The following SYNGR4 variants were observed in gnomAD, a reference collection of about 807,000 sequenced individuals.
SYNGR4 encodes synaptogyrin-4.
A neutral mutation model predicts 15.5 loss-of-function variants in SYNGR4; 15 were observed. That is an observed-to-expected ratio of 0.97 (90% CI 0.65 to 1.49). The LOEUF is 1.49. Among genes scored for constraint, SYNGR4 ranks in the 40% most tolerant of loss-of-function variants. The probability of loss-of-function intolerance (pLI) is 0.00; values close to 1 mark genes in which losing one functional copy is unlikely to be tolerated. For missense variants in SYNGR4, 292 were observed against 299.3 expected (o/e 0.98, Z 0.18); for synonymous variants, 121 against 127.4 (o/e 0.95, Z 0.34).
intron 2 of SYNGR4, among the ~76,000 whole-genome samples, chr19:48,368,779 G>A (rs184648363): frequency 1.0e-3 from 155 of 152,298 alleles, no homozygotes; most frequent in African/African-American, 3.7e-3. Flanking sequence ...AGGGAAAGAG[G>A]GGAATCTTGA....
At position 48,366,019 on chromosome 19, in the gene SYNGR4, G is replaced by T. The variant is rs1970215223; in HGVS notation, c.93+84G>T. 1.4e-6 allele frequency: 2 copies of T among 1,435,494 alleles called. No homozygotes were observed. The highest frequency in any genetic ancestry group is 4.6e-5 in the East Asian group (2 of 43,436). The allele number at this position is 1,435,494 out of a possible 1,614,324, so 88.9% of individuals were successfully genotyped here. On this transcript the variant is annotated intron_variant, in intron 2 of 4. Transcript: ENST00000344846. ...CTCCCAGACACAGTGCGGGAGATGGGAGGACAAGGAAGGGGTCAGACGGGG... is the reference window on the plus strand; with the variant it reads ...CTCCCAGACACAGTGCGGGAGATGGTAGGACAAGGAAGGGGTCAGACGGGG...
chr19:48,372,583 G>A (rs1043196285), intron 2 of SYNGR4, among the ~76,000 whole-genome samples: 8 of 151,892 alleles, frequency 5.3e-5, no homozygotes, highest in Non-Finnish European at 1.0e-4. Context: ...CCCGGGGGCC[G>A]GAGCCTGCAG....
In SYNGR4 at chr19:48,367,337, G is replaced by A. The variant is rs190673968; in HGVS notation, c.93+1402G>A. The stretch of plus-strand genomic sequence containing the variant: ...GGTCCCAGCTACTCTGGAGGCTGAG[G>A]CAGGAGAATGGCGTGAACCCGGGAG... On this transcript the variant is annotated intron_variant, in intron 2 of 4. Transcript: ENST00000344846. Among the ~76,000 whole-genome samples, 329 of 152,024 alleles carry A rather than the reference G, an allele frequency of 2.2e-3. 1 individual carries two copies. The highest frequency in any genetic ancestry group is 7.3e-3 in the African/African-American group (302 of 41,454).
intron 2 of SYNGR4, among the ~76,000 whole-genome samples, chr19:48,370,967 C>T (rs1970295871): frequency 6.6e-6 from 1 of 152,228 alleles, no homozygotes; most frequent in Non-Finnish European, 1.5e-5. Context: ...GAGGGCTTCT[C>T]TAACCCCAAG....
At chr19:48,371,312 C>G (rs1970300708) in intron 2 of SYNGR4, among the ~76,000 whole-genome samples, 1 of 152,194 alleles carries the variant, frequency 6.6e-6, no homozygotes. Flanking sequence ...TCCACCTTGA[C>G]TCTCTCCCCC....
In SYNGR4 at chr19:48,375,654, G is replaced by A. The variant is rs138867199; in HGVS notation, c.373G>A (p.Ala125Thr). ...VVWFMGFCFL[A>T]NQWQHSPPKE... Reference sequence around the variant, plus strand: ...CTGGTTCATGGGTTTCTGCTTCCTGGCCAACCAATGGCAGCATTCGCCGCC... The same window carrying A: ...CTGGTTCATGGGTTTCTGCTTCCTGACCAACCAATGGCAGCATTCGCCGCC... Residue 125 changes from alanine (A) to threonine (T), a missense_variant, in exon 4 of 5, where the codon GCC becomes ACC. Coordinates refer to ENST00000344846, the MANE Select transcript of SYNGR4 (RefSeq NM_012451.4). 3 of 1,613,792 alleles carry A rather than the reference G, an allele frequency of 1.9e-6. No individual in the cohort carries two copies. Among genetic ancestry groups the A allele is most frequent in the African/African-American group, 2.7e-5 (2 of 74,854 alleles).
intron 3 of SYNGR4, among the ~76,000 whole-genome samples, chr19:48,375,342 T>C (rs1378358857): frequency 6.6e-6 from 1 of 152,046 alleles, no homozygotes; most frequent in East Asian, 1.9e-4. Context: ...CCTGTGTTAA[T>C]GAATAGAAAT....
chr19:48,367,797 A>G (rs2147402619), intron 2 of SYNGR4, among the ~76,000 whole-genome samples: 1 of 152,298 alleles, frequency 6.6e-6, no homozygotes, highest in Middle Eastern at 3.4e-3. Flanking sequence ...TCTTGAACCA[A>G]TCACTGTTCA....
chr19:48,372,595 G>A (rs904276388), intron 2 of SYNGR4, among the ~76,000 whole-genome samples: 42 of 151,912 alleles, frequency 2.8e-4, no homozygotes, highest in African/African-American at 1.0e-3. Flanking sequence ...AGCCTGCAGT[G>A]AGCCGAGATG....
rs187730734 is a variant in SYNGR4 at position 48,367,687 on chromosome 19, G to T, written c.93+1752G>T. Among the ~76,000 whole-genome samples, 76 of 152,246 alleles carry T rather than the reference G, an allele frequency of 5.0e-4. 3 individuals carry two copies. The East Asian group carries it at 0.01, about 20-fold the overall frequency. ...GCCAGATGTTGGGTGGTAACCGTGT[G>T]CCAGGCACCATGCCACCGTTCATTT... On this transcript the variant is annotated intron_variant, in intron 2 of 4. Transcript: ENST00000344846.
rs1255917326 is a variant in SYNGR4 at position 48,365,925 on chromosome 19, T to G, written c.83T>G (p.Val28Gly). The G allele has an allele frequency of 2.5e-6, 4 of 1,613,406 alleles. No homozygotes were observed. Among genetic ancestry groups the G allele is most frequent in the Middle Eastern group, 3.3e-4 (2 of 6,062 alleles). Residue 28 changes from valine (V) to glycine (G), a missense_variant, in exon 2 of 5, where the codon GTC becomes GGC. Val to Gly is a moderately radical substitution (Grantham distance 109). Coordinates refer to ENST00000344846, the MANE Select transcript of SYNGR4 (RefSeq NM_012451.4). ...FLRRPKTITRVFEGVFSLIVF... is the reference protein window; with the variant it reads ...FLRRPKTITRGFEGVFSLIVF... ...AGAAGGCCCAAGACCATCACGCGGG[T>G]CTTCGAAGGGGTGAGGCCCTCCCAT... is the stretch of plus-strand genomic sequence containing the variant.
Position 48,373,507 on chromosome 19 carries a change from A to C in SYNGR4, c.94-10A>C. 2 of 1,611,450 alleles carry C rather than the reference A, an allele frequency of 1.2e-6. No individual in the cohort carries two copies. Among genetic ancestry groups the C allele is most frequent in the South Asian group, 1.1e-5 (1 of 91,066 alleles). On this transcript the variant is annotated splice_polypyrimidine_tract_variant and intron_variant, in intron 2 of 4. Coordinates refer to ENST00000344846, the MANE Select transcript of SYNGR4 (RefSeq NM_012451.4). ...GACTGAGCTCTTCTCTGGCCCCTGG[A>C]AATCCACAGGTCTTCTCCCTGATCG...
rs748477975 is a variant in SYNGR4 at position 48,365,825 on chromosome 19, C to T, written c.-18C>T. 2 of 1,613,170 alleles carry T rather than the reference C, an allele frequency of 1.2e-6. No homozygotes were observed. Among genetic ancestry groups the T allele is most frequent in the Non-Finnish European group, 8.5e-7 (1 of 1,179,826 alleles). Reference sequence around the variant, plus strand: ...CCTGGCTCCCACCTCCCAGTGGCCCCAAAGGAAAACAGCTGCCATGCACAT... The same window carrying T: ...CCTGGCTCCCACCTCCCAGTGGCCCTAAAGGAAAACAGCTGCCATGCACAT... On this transcript the variant is annotated 5_prime_UTR_variant, in exon 2 of 5. Transcript: ENST00000344846.
intron 2 of SYNGR4, 69 bp from the exon 3 acceptor site, chr19:48,373,448 C>G (rs750024347): frequency 7.4e-6 from 10 of 1,352,150 alleles, no homozygotes; most frequent in Non-Finnish European, 9.4e-6. Flanking sequence ...AGACCGACAG[C>G]ACCAGGGAGG....
At chr19:48,372,342 A>C (rs1238686237) in intron 2 of SYNGR4, among the ~76,000 whole-genome samples, 1 of 151,970 alleles carries the variant, frequency 6.6e-6, no homozygotes, top group Non-Finnish European at 1.5e-5. Context: ...TTTTTTAGCA[A>C]ATACACATAG....
At chr19:48,367,692 G>A (rs1309948776) in intron 2 of SYNGR4, among the ~76,000 whole-genome samples, 1 of 152,122 alleles carries the variant, frequency 6.6e-6, no homozygotes, top group East Asian at 1.9e-4. Context: ...CGTGTGCCAG[G>A]CACCATGCCA....
chr19:48,369,328 A>G (rs1364388861), intron 2 of SYNGR4, among the ~76,000 whole-genome samples: 1 of 152,150 alleles, frequency 6.6e-6, no homozygotes, highest in East Asian at 1.9e-4. Context: ...AGCCCAGATG[A>G]GCCCCTGCTC....
At chr19:48,364,777 C>A (rs1970163158) in intron 1 of SYNGR4, among the ~76,000 whole-genome samples, 1 of 152,010 alleles carries the variant, frequency 6.6e-6, no homozygotes, top group African/African-American at 2.4e-5. Flanking sequence ...TTTCAGACCT[C>A]CCAGGGGCTC....
At chr19:48,370,773 C>A (rs894533209) in intron 2 of SYNGR4, among the ~76,000 whole-genome samples, 4 of 152,122 alleles carry the variant, frequency 2.6e-5, no homozygotes, top group African/African-American at 9.7e-5. Context: ...CCCCCGCCAT[C>A]CCCAACCCCT....
Sources: allele counts gnomAD v4.1 joint callset (sites outside exome capture counted in the v4.1 genomes callset), GRCh38; gene constraint gnomAD v4.1.1; transcripts MANE v1.5; gene names NCBI Gene and HGNC (gene_info 2026-07-23, HGNC 2026-07-21).